The following NLRP12 variants were observed in gnomAD, a reference collection of about 807,000 sequenced individuals.
The protein encoded by NLRP12 is NACHT, LRR and PYD domains-containing protein 12.
A neutral mutation model predicts 91.2 loss-of-function variants in NLRP12; 108 were observed. That is an observed-to-expected ratio of 1.18 (90% confidence interval 1.01 to 1.39). The LOEUF (loss-of-function observed/expected upper bound fraction) is 1.39, where lower values mean the gene tolerates loss of function less well. NLRP12 is among the 40% of genes most tolerant of loss of function. The probability of loss-of-function intolerance (pLI) is 0.00; values close to 1 mark genes in which losing one functional copy is unlikely to be tolerated. For missense variants in NLRP12, 1,530 were observed against 1,352.7 expected (o/e 1.13, Z -2.06); for synonymous variants, 613 against 566.7 (o/e 1.08, Z -1.16).
At position 53,810,827 on chromosome 19, in the gene NLRP12, G is replaced by A. The variant is rs2122676644; in HGVS notation, c.832C>T (p.Pro278Ser). ...GGAACTCGGATGAGCTCCTGGAGAGGCGCGCTGGGCTCAGGCCAGCAGCTG... is the reference window on the plus strand; with the variant it reads ...GGAACTCGGATGAGCTCCTGGAGAGACGCGCTGGGCTCAGGCCAGCAGCTG... ...IFSCWPEPSA[P>S]LQELIRVPER... The change falls in exon 3 of 10, where the codon CCT (proline) becomes TCT (serine). Residue 278 changes from proline to serine, a missense_variant. Coordinates refer to ENST00000324134, the MANE Select transcript of NLRP12 (RefSeq NM_144687.4). 1 of 1,614,122 alleles carries A rather than the reference G, an allele frequency of 6.2e-7. No homozygotes were observed. The highest frequency in any genetic ancestry group is 8.5e-7 in the Non-Finnish European group (1 of 1,180,034).
rs1036260912 is a variant in NLRP12 at position 53,801,509 on chromosome 19, T to C, written c.2586-112A>G. On this transcript the variant is annotated intron_variant, in intron 6 of 9. Coordinates refer to ENST00000324134, the MANE Select transcript of NLRP12 (RefSeq NM_144687.4). Reference sequence around the variant, plus strand: ...CTCTGTTGCCCAGGCTGGAATGCAGTGGTGCAATCTCGGCTCAGCTGCATC... The same window carrying C: ...CTCTGTTGCCCAGGCTGGAATGCAGCGGTGCAATCTCGGCTCAGCTGCATC... The C allele has an allele frequency of 6.4e-6, 9 of 1,416,764 alleles. No individual in the cohort carries two copies. The African/African-American group carries it at 9.2e-5, about 15-fold the overall frequency. 87.8% of individuals were successfully genotyped at this position (1,416,764 alleles called of 1,614,324 possible). A position where few individuals can be genotyped will look rare whatever the true frequency, so the allele number is the denominator to read the frequency against.
chr19:53,794,802 G>C (rs907997176), intron 9 of NLRP12, among the ~76,000 whole-genome samples: 1 of 151,750 alleles, frequency 6.6e-6, no homozygotes, highest in African/African-American at 2.4e-5. Flanking sequence ...AAGTAGCTGG[G>C]ATTACAGTCA....
At position 53,804,390 on chromosome 19, in the gene NLRP12, TG is replaced by T. The variant is rs1451026946; in HGVS notation, c.2415-269del. 1.3e-4 allele frequency among the ~76,000 whole-genome samples: 17 copies of T among 134,712 alleles called. No homozygotes were observed. In the East Asian group the frequency reaches 1.3e-3, roughly 11 times the overall value. 88.4% of individuals were successfully genotyped at this position (134,712 alleles called of 152,430 possible). A position where few individuals can be genotyped will look rare whatever the true frequency, so the allele number is the denominator to read the frequency against. On this transcript the variant is annotated intron_variant, in intron 5 of 9. Transcript: ENST00000324134. ...TTGTTTGTTTGTTTTTTGTTTTTTT[TG>T]GGTTTTTTTGTTTTTTTTTTTTTTT...
chr19:53,804,261 C>A (rs2091919744), intron 5 of NLRP12, 139 bp from the exon 6 acceptor site: 1 of 962,350 alleles, frequency 1.0e-6, no homozygotes. Flanking sequence ...GGAGTGATAT[C>A]AACTCGCTGA....
Position 53,793,982 on chromosome 19 carries a change from G to A in NLRP12, c.*67C>T. On this transcript the variant is annotated 3_prime_UTR_variant, in exon 10 of 10. Transcript: ENST00000324134. The stretch of plus-strand genomic sequence containing the variant: ...GAAGGAGGCTGATCATTATGCTGGG[G>A]GGGTGATGAGCACCCTCCCATCTTC... 2 of 1,040,596 alleles carry A rather than the reference G, an allele frequency of 1.9e-6. No homozygotes were observed. Among genetic ancestry groups the A allele is most frequent in the Admixed American group, 1.7e-5 (1 of 59,146 alleles). The allele number at this position is 1,040,596 out of a possible 1,614,324, so 64.5% of individuals were successfully genotyped here.
chr19:53,820,983 G>A (rs920554250), intron 1 of NLRP12, among the ~76,000 whole-genome samples: 3 of 148,912 alleles, frequency 2.0e-5, no homozygotes, highest in African/African-American at 7.4e-5. Context: ...TAAGCACTTT[G>A]CATGTATTAT....
intron 7 of NLRP12, among the ~76,000 whole-genome samples, chr19:53,800,540 G>T (rs2091850502): frequency 6.6e-6 from 1 of 151,788 alleles, no homozygotes; most frequent in African/African-American, 2.4e-5. Flanking sequence ...GCATGCCAGG[G>T]AATAAGAATT....
At position 53,803,966 on chromosome 19, in the gene NLRP12, T is replaced by C. The variant is rs1281633026; in HGVS notation, c.2571A>G (p.Arg857=). The C allele has an allele frequency of 6.2e-7, 1 of 1,614,016 alleles. No individual in the cohort carries two copies. The highest frequency in any genetic ancestry group is 8.5e-7 in the Non-Finnish European group (1 of 1,179,998). ...LCQGLRHPVC[R]LRTLWLKICR... is the part of the protein sequence containing the mutation. ...GAAGAACTCACCACAAAGTCCGTAG[T>C]CTGCAGACTGGGTGCCTCAGTCCCT... The change falls in exon 6 of 10, where the codon AGA becomes AGG. Residue 857 remains arginine, a synonymous_variant. Transcript: ENST00000324134.
chr19:53,794,571 C>T (rs773068848), intron 9 of NLRP12, among the ~76,000 whole-genome samples: 9 of 41,704 alleles, frequency 2.2e-4, no homozygotes, highest in South Asian at 1.0e-3. Flanking sequence ...CCGCCCACCT[C>T]GGCCTCCCAA....
rs368389379 is a variant in NLRP12, at chr19:53,804,182, C to T, written c.2415-60G>A. On this transcript the variant is annotated intron_variant, in intron 5 of 9. Transcript: ENST00000324134. ...CTTGCTTTTCTATGTCGTGATCACT[C>T]ATGCTCCAGCCTGTTATTTTATTAT... The T allele has an allele frequency of 1.2e-5, 19 of 1,554,174 alleles. No individual in the cohort carries two copies. The African/African-American group carries it at 1.6e-4, about 13-fold the overall frequency.
chr19:53,806,905 C>T (rs2091969061), intron 4 of NLRP12, among the ~76,000 whole-genome samples: 1 of 150,312 alleles, frequency 6.7e-6, no homozygotes, highest in African/African-American at 2.4e-5. Context: ...AATTTGGAGA[C>T]CCACACAGCA....
chr19:53,807,389 G>T lies in NLRP12; in HGVS notation c.2243+106C>A. Reference sequence around the variant, plus strand: ...GGCTTTGTGACACTTTTTTATGGCAGCCGTAGCCAACGAATACACCATCCC... The same window carrying T: ...GGCTTTGTGACACTTTTTTATGGCATCCGTAGCCAACGAATACACCATCCC... On this transcript the variant is annotated intron_variant, in intron 4 of 9. Transcript: ENST00000324134. 4 of 1,157,394 alleles carry T rather than the reference G, an allele frequency of 3.5e-6. 1 individual carries two copies. Among genetic ancestry groups the T allele is most frequent in the Non-Finnish European group, 5.0e-6 (4 of 805,132 alleles). 71.7% of individuals were successfully genotyped at this position (1,157,394 alleles called of 1,614,324 possible). A position where few individuals can be genotyped will look rare whatever the true frequency, so the allele number is the denominator to read the frequency against.
intron 8 of NLRP12, 93 bp from the exon 9 acceptor site, chr19:53,796,122 A>G: frequency 1.6e-6 from 2 of 1,251,546 alleles, no homozygotes; most frequent in Non-Finnish European, 2.3e-6. Context: ...GCTGGAGTAC[A>G]GTGGTGAGAT....
intron 1 of NLRP12, among the ~76,000 whole-genome samples, chr19:53,823,459 T>TA (rs2092295619): frequency 5.3e-5 from 1 of 18,902 alleles, no homozygotes; most frequent in Non-Finnish European, 1.9e-4. Context: ...AATATATATT[T>TA]TAAATATATA....
intron 6 of NLRP12, among the ~76,000 whole-genome samples, chr19:53,802,407 TTAAAAA>T (rs555523014): frequency 7.3e-5 from 11 of 151,070 alleles, no homozygotes; most frequent in African/African-American, 2.4e-4. Context: ...ATGCCTACTA[TTAAAAA>T]TAAATAGAAT....
In NLRP12 at chr19:53,809,804, C is replaced by G. The variant is rs139082917; in HGVS notation, c.1855G>C (p.Glu619Gln). 25 of 1,614,096 alleles carry G rather than the reference C, an allele frequency of 1.5e-5. No homozygotes were observed. The East Asian group carries it at 1.8e-4, about 12-fold the overall frequency. ...TGGATAAACTCCTCCTCCTGGATCT[C>G]GTACAAGCAGCTGAAGAACTCCAAG... ...GSLEFFSCLYEIQEEEFIQQA... is the reference protein window; with the variant it reads ...GSLEFFSCLYQIQEEEFIQQA... The change falls in exon 3 of 10, where the codon GAG (glutamate) becomes CAG (glutamine). Residue 619 changes from glutamate to glutamine, a missense_variant. Transcript: ENST00000324134.
At chr19:53,823,451 T>TATATATTTTA (rs1568702876) in intron 1 of NLRP12, among the ~76,000 whole-genome samples, 3 of 25,334 alleles carry the variant, frequency 1.2e-4, no homozygotes, top group Non-Finnish European at 2.2e-4. Flanking sequence ...ATGTTTTAAA[T>TATATATTTTA]ATATATTTTA....
At chr19:53,820,302 G>C (rs1223726673) in intron 1 of NLRP12, among the ~76,000 whole-genome samples, 1 of 152,082 alleles carries the variant, frequency 6.6e-6, no homozygotes, top group Non-Finnish European at 1.5e-5. Flanking sequence ...GGCCGAGGTG[G>C]ATGGATCACC....
At chr19:53,795,474 A>C (rs1249124674) in intron 9 of NLRP12, among the ~76,000 whole-genome samples, 4 of 151,292 alleles carry the variant, frequency 2.6e-5, no homozygotes, top group Non-Finnish European at 5.9e-5. Context: ...TCCCGGGTTC[A>C]CGCCATTCTC....
Sources: allele counts gnomAD v4.1 joint callset (sites outside exome capture counted in the v4.1 genomes callset), GRCh38; gene constraint gnomAD v4.1.1; transcripts MANE v1.5; gene names NCBI Gene and HGNC (gene_info 2026-07-23, HGNC 2026-07-21).